The following DSCAML1 variants were observed in gnomAD, a reference collection of about 807,000 sequenced individuals.
DSCAML1 encodes cell adhesion molecule DSCAML1.
DSCAML1 carries 38 observed loss-of-function variants against 200.5 expected under a neutral mutation model. The ratio of observed to expected loss-of-function variants is 0.19; its 90% CI spans 0.15 to 0.25. DSCAML1 has a LOEUF of 0.25. Ranked by LOEUF, DSCAML1 falls within the 10% of genes least tolerant of loss-of-function variation. The pLI is 1.00. For synonymous variants in DSCAML1, 1,215 were observed against 1,165.0 expected (o/e 1.04, Z -0.87); for missense variants, 2,223 against 2,858.8 (o/e 0.78, Z 5.07).
At chr11:117,610,697 G>A (rs544128090) in intron 3 of DSCAML1, among the ~76,000 whole-genome samples, 17 of 151,604 alleles carry the variant, frequency 1.1e-4, no homozygotes, top group Middle Eastern at 3.4e-3. Flanking sequence ...ACATAAAGCC[G>A]CCCCATCCTT....
chr11:117,780,250 AAGAAAG>A lies in DSCAML1; in HGVS notation c.364+237_364+242del, dbSNP rs771155553. On this transcript the variant is annotated intron_variant, in intron 2 of 32. Coordinates refer to ENST00000651296, the MANE Select transcript of DSCAML1 (RefSeq NM_020693.4). This position sits in a 1 kb window ranked among gnomAD's most constrained non-coding sequence, Gnocchi z 4.8. ...AAGAAAGGAAAGAAAGAAAGAAAGA[AAGAAAG>A]AAAGAAAGAAAGAAAGAAAGAAAGA... Among the ~76,000 whole-genome samples the A allele has an allele frequency of 4.8e-5, 4 of 82,544 alleles. No individual in the cohort carries two copies. Among genetic ancestry groups the A allele is most frequent in the East Asian group, 3.6e-4 (1 of 2,740 alleles). 54.2% of individuals were successfully genotyped at this position (82,544 alleles called of 152,430 possible).
rs1303715947 is a variant in DSCAML1 at position 117,642,320 on chromosome 11, G to T, written c.512-109798C>A. On this transcript the variant is annotated intron_variant, in intron 3 of 32. Transcript: ENST00000651296. This position sits in a 1 kb window ranked among gnomAD's most constrained non-coding sequence, Gnocchi z 4.1. ...CCACTCTTCTTCCTATCTCACACCT[G>T]CCATCCTCTTTTTTTTTCTTGCTTG... Among the ~76,000 whole-genome samples the T allele has an allele frequency of 3.3e-5, 5 of 152,020 alleles. No homozygotes were observed. The highest frequency in any genetic ancestry group is 7.4e-5 in the Non-Finnish European group (5 of 68,006).
intron 3 of DSCAML1, among the ~76,000 whole-genome samples, chr11:117,704,999 G>A (rs1271937636): frequency 2.0e-5 from 3 of 152,172 alleles, no homozygotes. Flanking sequence ...GTGCGCCCCG[G>A]ATGTGTGTGT....
intron 3 of DSCAML1, among the ~76,000 whole-genome samples, chr11:117,555,525 T>C (rs1013159524): frequency 4.6e-5 from 7 of 152,180 alleles, no homozygotes; most frequent in Non-Finnish European, 1.5e-5. Context: ...AGCTGGGTCC[T>C]GAAGGACACG....
At chr11:117,673,177 A>C (rs1490988934) in intron 3 of DSCAML1, among the ~76,000 whole-genome samples, 1 of 152,236 alleles carries the variant, frequency 6.6e-6, no homozygotes, top group African/African-American at 2.4e-5. Flanking sequence ...GTGATCAAGA[A>C]AGGCAAACAC....
intron 30 of DSCAML1, among the ~76,000 whole-genome samples, chr11:117,431,975 G>A (rs1412777774): frequency 6.6e-6 from 1 of 152,126 alleles, no homozygotes; most frequent in African/African-American, 2.4e-5. Flanking sequence ...CCTTCCACCT[G>A]GGGGAGAATG....
chr11:117,786,418 C>G (rs934657615), intron 1 of DSCAML1, among the ~76,000 whole-genome samples: 4 of 152,204 alleles, frequency 2.6e-5, no homozygotes, highest in African/African-American at 9.6e-5. Flanking sequence ...AACCAGAAAT[C>G]GCCCCCAGGC....
intron 3 of DSCAML1, among the ~76,000 whole-genome samples, chr11:117,651,418 C>A (rs1431613600): frequency 6.6e-6 from 1 of 152,118 alleles, no homozygotes; most frequent in Admixed American, 6.5e-5. Flanking sequence ...AATGATTGCA[C>A]CCCTAGGCCG....
At chr11:117,481,829 G>A (rs1364106542) in intron 12 of DSCAML1, 134 bp downstream of exon 12, 1 of 900,092 alleles carries the variant, frequency 1.1e-6, no homozygotes, top group African/African-American at 1.7e-5. Context: ...AGGTGGGAAA[G>A]GGGAGGTACA....
chr11:117,811,222 G>C (rs905908152), intron 1 of DSCAML1, among the ~76,000 whole-genome samples: 16 of 152,196 alleles, frequency 1.1e-4, no homozygotes, highest in African/African-American at 3.4e-4. Flanking sequence ...AACCCCAGCC[G>C]AGTTCATGGC....
At chr11:117,502,357 C>T (rs565335705) in intron 11 of DSCAML1, among the ~76,000 whole-genome samples, 6 of 152,344 alleles carry the variant, frequency 3.9e-5, no homozygotes, top group Non-Finnish European at 7.3e-5. Context: ...AAAGCATCTA[C>T]GAGTTTGGGA....
chr11:117,664,896 G>A (rs1025227575), intron 3 of DSCAML1, among the ~76,000 whole-genome samples: 3 of 152,190 alleles, frequency 2.0e-5, no homozygotes, highest in East Asian at 1.9e-4. Context: ...TCACGGCCGC[G>A]TGTCTGCTGG....
rs189349185 is a variant in DSCAML1 at position 117,780,274 on chromosome 11, A to C, written c.364+219T>G. Among the ~76,000 whole-genome samples, 34 of 95,928 alleles carry C rather than the reference A, an allele frequency of 3.5e-4. No homozygotes were observed. In the East Asian group the frequency reaches 4.2e-3, roughly 12 times the overall value. 62.9% of individuals were successfully genotyped at this position (95,928 alleles called of 152,430 possible). ...AAAGAAAGAAAGAAAGAAAGAAAGA[A>C]AGAAAGAAAGAAAGAAAGAAAGAAA... On this transcript the variant is annotated intron_variant, in intron 2 of 32. Coordinates refer to ENST00000651296, the MANE Select transcript of DSCAML1 (RefSeq NM_020693.4). This position sits in a 1 kb window ranked among gnomAD's most constrained non-coding sequence, Gnocchi z 4.8.
At chr11:117,757,808 T>G (rs2054722463) in intron 3 of DSCAML1, among the ~76,000 whole-genome samples, 1 of 151,860 alleles carries the variant, frequency 6.6e-6, no homozygotes. Context: ...CTGACCAACA[T>G]GGACAAACCC....
upstream of DSCAML1, chr11:117,802,124 G>A (rs2055665378): frequency 6.6e-6 from 1 of 152,254 alleles, no homozygotes; most frequent in Non-Finnish European, 1.5e-5. Context: ...TCTGGCCCAT[G>A]TGTCACTCAC....
At chr11:117,471,825 G>C in intron 15 of DSCAML1, 44 bp downstream of exon 15, 1 of 1,386,260 alleles carries the variant, frequency 7.2e-7, no homozygotes, top group Admixed American at 1.9e-5. Context: ...TGGTGGTCCT[G>C]ATCCCTGAGG....
At chr11:117,658,623 C>T (rs2052780025) in intron 3 of DSCAML1, among the ~76,000 whole-genome samples, 1 of 152,124 alleles carries the variant, frequency 6.6e-6, no homozygotes, top group African/African-American at 2.4e-5. Context: ...ATCCAAAGGC[C>T]CAAGTCAACA....
intron 3 of DSCAML1, among the ~76,000 whole-genome samples, chr11:117,612,711 G>A (rs897501366): frequency 6.6e-6 from 1 of 152,170 alleles, no homozygotes; most frequent in Non-Finnish European, 1.5e-5. Context: ...GGTGTGCCCA[G>A]GGCCAAACCA....
At chr11:117,689,223 A>T (rs1372034971) in intron 3 of DSCAML1, among the ~76,000 whole-genome samples, 2 of 152,258 alleles carry the variant, frequency 1.3e-5, no homozygotes, top group African/African-American at 4.8e-5. Context: ...AGGGACGCAT[A>T]CAAAGAAGCT....
Sources: gnomAD v4.1 joint callset for allele counts (sites outside exome capture counted in the v4.1 genomes callset) on GRCh38, gnomAD v4.1.1 for gene constraint, Gnocchi (gnomAD v3.1) non-coding constraint, MANE v1.5 for transcripts, NCBI Gene and HGNC (gene_info 2026-07-23, HGNC 2026-07-21) for gene names.